The following EPS8 variants were observed in gnomAD, a reference collection of about 807,000 sequenced individuals.
The protein encoded by EPS8 is EGFR pathway substrate 8, signaling adaptor.
Under a neutral mutation model 103.8 loss-of-function variants are expected in EPS8, and 42 were observed. That is an observed-to-expected ratio of 0.40 (90% CI 0.32 to 0.52). The LOEUF (loss-of-function observed/expected upper bound fraction) is 0.52. EPS8 is among the 20% of genes least tolerant of loss of function. The pLI, the probability that EPS8 is intolerant of heterozygous loss-of-function variation, is 0.40. For missense variants in EPS8, 969 were observed against 1,005.1 expected (o/e 0.96, Z 0.49); for synonymous variants, 344 against 344.6 (o/e 1.00, Z 0.02).
intron 1 of EPS8, among the ~76,000 whole-genome samples, chr12:15,687,717 ATAC>A (rs1946114917): frequency 6.6e-6 from 1 of 152,216 alleles, no homozygotes; most frequent in Admixed American, 6.5e-5. Context: ...ACATATTCTA[ATAC>A]TACTATTATA....
intron 15 of EPS8, among the ~76,000 whole-genome samples, chr12:15,643,740 G>GGAAAAAAAAAA (rs1491565427): frequency 1.3e-5 from 1 of 76,994 alleles, no homozygotes; most frequent in African/African-American, 5.1e-5. Context: ...ACTCTGTCTC[G>GGAAAAAAAAAA]AAAAAAAAAA....
chr12:15,739,843 G>A (rs1275200091), intron 1 of EPS8, among the ~76,000 whole-genome samples: 2 of 152,098 alleles, frequency 1.3e-5, no homozygotes, highest in Admixed American at 1.3e-4. Context: ...ACTCTGACTA[G>A]TACAGAAGGC....
chr12:15,753,342 G>A (rs1414475421), intron 1 of EPS8, among the ~76,000 whole-genome samples: 1 of 152,262 alleles, frequency 6.6e-6, no homozygotes, highest in South Asian at 2.1e-4. Context: ...GGAAGATCTC[G>A]ATGAAGCTCT....
At chr12:15,637,357 C>G (rs1382377302) in intron 17 of EPS8, among the ~76,000 whole-genome samples, 3 of 152,262 alleles carry the variant, frequency 2.0e-5, no homozygotes. Flanking sequence ...TTCTCTAGAA[C>G]AGCAGAATGC....
rs747356993 is a variant in EPS8, at chr12:15,727,949, G to A, written c.-21-44977C>T. On this transcript the variant is annotated intron_variant, in intron 1 of 20. Transcript: ENST00000281172. The surrounding 1 kb of genome is among the most constrained non-coding windows in gnomAD (Gnocchi z 4.3). Reference sequence around the variant, plus strand: ...CTCCCATAATGCTTTAATAAATGATGAAAAACTTATAACTGCAGCATAGAA... The same window carrying A: ...CTCCCATAATGCTTTAATAAATGATAAAAAACTTATAACTGCAGCATAGAA... Among the ~76,000 whole-genome samples the A allele has an allele frequency of 3.3e-5, 5 of 152,192 alleles. No homozygotes were observed. Among genetic ancestry groups the A allele is most frequent in the Non-Finnish European group, 5.9e-5 (4 of 68,028 alleles).
chr12:15,648,811 T>G (rs921166582), intron 14 of EPS8, among the ~76,000 whole-genome samples: 2 of 152,170 alleles, frequency 1.3e-5, no homozygotes, highest in Non-Finnish European at 2.9e-5. Context: ...CAAAGTTTGC[T>G]TAGGGTTCAG....
intron 6 of EPS8, among the ~76,000 whole-genome samples, chr12:15,668,046 A>G (rs1355161004): frequency 6.6e-6 from 1 of 152,182 alleles, no homozygotes; most frequent in Admixed American, 6.5e-5. Context: ...CCTCTGGTTT[A>G]TAAAAATGTT....
chr12:15,703,362 C>A (rs1360555278), intron 1 of EPS8, among the ~76,000 whole-genome samples: 1 of 152,056 alleles, frequency 6.6e-6, no homozygotes, highest in Non-Finnish European at 1.5e-5. Flanking sequence ...GAACAATGTA[C>A]TAGGAAAGTG....
Position 15,734,257 on chromosome 12 carries a change from T to C in EPS8, c.-21-51285A>G, listed in dbSNP as rs1197952501. Among the ~76,000 whole-genome samples, 1 of 152,222 alleles carries C rather than the reference T, an allele frequency of 6.6e-6. No homozygotes were observed. Among genetic ancestry groups the C allele is most frequent in the East Asian group, 1.9e-4 (1 of 5,202 alleles). On this transcript the variant is annotated intron_variant, in intron 1 of 20. Transcript: ENST00000281172. The surrounding 1 kb of genome is among the most constrained non-coding windows in gnomAD (Gnocchi z 4.1). ...CCATATAATCAGTTTAGTTTTGTTT[T>C]CTCTCCTCCTCAGCTGCTTCCTCCT... is the stretch of plus-strand genomic sequence containing the variant.
intron 3 of EPS8, among the ~76,000 whole-genome samples, chr12:15,680,647 C>T (rs1191626964): frequency 1.3e-5 from 2 of 149,428 alleles, no homozygotes; most frequent in East Asian, 3.9e-4. Context: ...TAAATGCCAT[C>T]CTAAACATAT....
Position 15,752,652 on chromosome 12 carries a change from A to T in EPS8, c.-22+36509T>A, listed in dbSNP as rs1946945554. Among the ~76,000 whole-genome samples, 1 of 152,086 alleles carries T rather than the reference A, an allele frequency of 6.6e-6. No homozygotes were observed. The highest frequency in any genetic ancestry group is 2.4e-5 in the African/African-American group (1 of 41,394). On this transcript the variant is annotated intron_variant, in intron 1 of 20. Coordinates refer to ENST00000281172, the MANE Select transcript of EPS8 (RefSeq NM_004447.6). The surrounding 1 kb of genome is among the most constrained non-coding windows in gnomAD (Gnocchi z 4.4). ...TTTATAATTGTAATAACCAATGGGT[A>T]TGATTTCCCTTCTCCTGCTCAGGAG...
intron 1 of EPS8, among the ~76,000 whole-genome samples, chr12:15,709,205 T>C (rs10505787): frequency 0.91 from 139,213 of 152,268 alleles, 64,878 homozygotes; most frequent in Non-Finnish European, 1. Context: ...TAGTAAGAGA[T>C]AGACTTTAAG....
At chr12:15,629,734 A>T (rs537702906) in intron 18 of EPS8, among the ~76,000 whole-genome samples, 1 of 152,332 alleles carries the variant, frequency 6.6e-6, no homozygotes, top group African/African-American at 2.4e-5. Context: ...GTGGGAGAAA[A>T]ATTAATGAGT....
chr12:15,707,573 A>T (rs1221995736), intron 1 of EPS8, among the ~76,000 whole-genome samples: 1 of 151,956 alleles, frequency 6.6e-6, no homozygotes. Flanking sequence ...AAAAAATCAC[A>T]TGCTACAAAA....
At chr12:15,663,920 C>CA (rs10590703) in intron 8 of EPS8, among the ~76,000 whole-genome samples, 242 of 9,034 alleles carry the variant, frequency 0.027, 4 homozygotes, top group African/African-American at 0.042. Flanking sequence ...CACTCCATCT[C>CA]AAAAAAAAAA....
intron 1 of EPS8, among the ~76,000 whole-genome samples, chr12:15,744,874 T>A (rs981012406): frequency 6.6e-6 from 1 of 152,108 alleles, no homozygotes; most frequent in Non-Finnish European, 1.5e-5. Flanking sequence ...ACTATTTTTT[T>A]ATTACTATTA....
At position 15,781,420 on chromosome 12, in the gene EPS8, C is replaced by T. The variant is rs1947259608; in HGVS notation, c.-22+7741G>A. ...TGGAGTCAGGTCAGGGTTCTCATCC[C>T]AATTCGGTCCCTTTCTCCCCATGTG... is the stretch of plus-strand genomic sequence containing the variant. On this transcript the variant is annotated intron_variant, in intron 1 of 20. Coordinates refer to ENST00000281172, the MANE Select transcript of EPS8 (RefSeq NM_004447.6). The surrounding 1 kb of genome is among the most constrained non-coding windows in gnomAD (Gnocchi z 4.1). Among the ~76,000 whole-genome samples the T allele has an allele frequency of 6.6e-6, 1 of 152,158 alleles. No homozygotes were observed. Among genetic ancestry groups the T allele is most frequent in the African/African-American group, 2.4e-5 (1 of 41,442 alleles).
chr12:15,663,079 T>C (rs928140746), intron 8 of EPS8, among the ~76,000 whole-genome samples: 4 of 152,078 alleles, frequency 2.6e-5, no homozygotes, highest in Admixed American at 2.0e-4. Flanking sequence ...TTTAAGATAA[T>C]TAAAATTTCT....
rs188615658 is a variant in EPS8, at chr12:15,769,765, G to A, written c.-22+19396C>T. Among the ~76,000 whole-genome samples, 83 of 152,218 alleles carry A rather than the reference G, an allele frequency of 5.5e-4. No homozygotes were observed. Among genetic ancestry groups the A allele is most frequent in the Non-Finnish European group, 6.2e-4 (42 of 68,028 alleles). ...TAGCATTCACGAGAATCTGATCACA[G>A]AGCAAAATAAATTGGACACAGTACA... On this transcript the variant is annotated intron_variant, in intron 1 of 20. Transcript: ENST00000281172. The surrounding 1 kb of genome is among the most constrained non-coding windows in gnomAD (Gnocchi z 4.6).
Sources: allele counts gnomAD v4.1 joint callset (sites outside exome capture counted in the v4.1 genomes callset), GRCh38; gene constraint gnomAD v4.1.1; non-coding constraint Gnocchi (gnomAD v3.1); transcripts MANE v1.5; gene names NCBI Gene and HGNC (gene_info 2026-07-23, HGNC 2026-07-21).